The following TG variants were observed in gnomAD, a reference collection of about 807,000 sequenced individuals.
TG encodes the protein thyroglobulin, also known as thyroid hormones.
In TG, 270 loss-of-function variants were observed where a neutral mutation model predicts 324.7. That is an observed-to-expected ratio of 0.83 (90% CI 0.75 to 0.92). The LOEUF (loss-of-function observed/expected upper bound fraction) is 0.92, where lower values mean the gene tolerates loss of function less well. Among genes scored for constraint, TG ranks in the 40% least tolerant of loss-of-function variants. The pLI is 0.00. For synonymous variants in TG, 1,401 were observed against 1,327.0 expected (o/e 1.06, Z -1.21); for missense variants, 3,591 against 3,456.4 (o/e 1.04, Z -0.98).
chr8:133,060,131 C>G, intron 41 of TG: 2 of 1,610,934 alleles, frequency 1.2e-6, no homozygotes, highest in Non-Finnish European at 1.7e-6. Context: ...TCTCGGCAGG[C>G]GCAGGGGTGG....
At chr8:132,908,846 G>A (rs997469882) in intron 18 of TG, among the ~76,000 whole-genome samples, 1 of 152,316 alleles carries the variant, frequency 6.6e-6, no homozygotes, top group South Asian at 2.1e-4. Flanking sequence ...GCCTCCAAGA[G>A]GTGCTACTGA....
chr8:133,107,032 A>G (rs1849862826), intron 43 of TG, among the ~76,000 whole-genome samples: 1 of 152,142 alleles, frequency 6.6e-6, no homozygotes, highest in African/African-American at 2.4e-5. Flanking sequence ...CTTTTTAATC[A>G]TTTACTAACT....
intron 43 of TG, among the ~76,000 whole-genome samples, chr8:133,110,443 A>G (rs1200575038): frequency 6.6e-6 from 1 of 152,208 alleles, no homozygotes; most frequent in African/African-American, 2.4e-5. Context: ...TCAAATATTC[A>G]TATTATTTAT....
At chr8:133,075,546 A>G (rs1844740356) in intron 41 of TG, among the ~76,000 whole-genome samples, 1 of 152,242 alleles carries the variant, frequency 6.6e-6, no homozygotes, top group African/African-American at 2.4e-5. Flanking sequence ...TTTCTTGGAC[A>G]TGGTAATAAT....
intron 35 of TG, chr8:132,988,631 A>G (rs1831915721): frequency 6.8e-6 from 6 of 879,504 alleles, no homozygotes; most frequent in South Asian, 5.3e-5. Context: ...CTCTTTGGAT[A>G]AAAATTGTTT....
chr8:132,905,132 A>G (rs1460649116), intron 16 of TG, among the ~76,000 whole-genome samples: 1 of 152,166 alleles, frequency 6.6e-6, no homozygotes, highest in Non-Finnish European at 1.5e-5. Flanking sequence ...TAGTTTTTAA[A>G]TAAATACTCC....
chr8:133,023,755 G>A (rs1384173702), intron 40 of TG, among the ~76,000 whole-genome samples: 1 of 152,204 alleles, frequency 6.6e-6, no homozygotes, highest in South Asian at 2.1e-4. Flanking sequence ...CTAGACAGAA[G>A]AGAGTTTCCA....
chr8:133,056,504 T>G (rs1012281773), intron 41 of TG, among the ~76,000 whole-genome samples: 1 of 152,118 alleles, frequency 6.6e-6, no homozygotes, highest in African/African-American at 2.4e-5. Flanking sequence ...TGAAACCCTG[T>G]CCTTTCCAGG....
intron 22 of TG, among the ~76,000 whole-genome samples, chr8:132,924,207 G>T (rs1821502137): frequency 6.6e-6 from 1 of 151,968 alleles, no homozygotes; most frequent in Non-Finnish European, 1.5e-5. Context: ...TCCCTCACAT[G>T]CACAGTTCAC....
At chr8:132,947,423 G>A (rs1283973018) in intron 26 of TG, among the ~76,000 whole-genome samples, 1 of 152,150 alleles carries the variant, frequency 6.6e-6, no homozygotes, top group Admixed American at 6.5e-5. Flanking sequence ...AAAATTCAGA[G>A]ATTCACTGCT....
intron 43 of TG, among the ~76,000 whole-genome samples, chr8:133,110,766 CT>C (rs1412279951): frequency 6.6e-6 from 1 of 152,192 alleles, no homozygotes; most frequent in Non-Finnish European, 1.5e-5. Context: ...GGCTAAGTGA[CT>C]TGCCCAAAGC....
rs1554680118 is a variant in TG, at chr8:132,957,766, C to CACACACACACACACACACACACACAG, written c.5402-3224_5402-3223insACACACAGACACACACACACACACAC. Among the ~76,000 whole-genome samples, 215 of 145,582 alleles carry CACACACACACACACACACACACACAG rather than the reference C, an allele frequency of 1.5e-3. 5 individuals carry two copies. Among genetic ancestry groups the CACACACACACACACACACACACACAG allele is most frequent in the South Asian group, 0.015 (66 of 4,484 alleles). The stretch of plus-strand genomic sequence containing the variant: ...CTACACACACACACACACACACACA[C>CACACACACACACACACACACACACAG]ACACACACACACACACACGTATGTA... On this transcript the variant is annotated intron_variant, in intron 27 of 47. Transcript: ENST00000220616.
At chr8:133,095,789 G>A (rs548393339) in intron 42 of TG, among the ~76,000 whole-genome samples, 63 of 152,314 alleles carry the variant, frequency 4.1e-4, no homozygotes, top group Non-Finnish European at 6.8e-4. Flanking sequence ...AATGAGTCTG[G>A]ACTCACAGAA....
rs576334903 is a variant in TG, at chr8:133,022,153, G to A, written c.7036+3G>A. 1 of 1,614,062 alleles carries A rather than the reference G, an allele frequency of 6.2e-7. No homozygotes were observed. Among genetic ancestry groups the A allele is most frequent in the South Asian group, 1.1e-5 (1 of 91,062 alleles). On this transcript the variant is annotated splice_donor_region_variant and intron_variant, in intron 40 of 47. Coordinates refer to ENST00000220616, the MANE Select transcript of TG (RefSeq NM_003235.5). The stretch of plus-strand genomic sequence containing the variant: ...TGTCTTCGGCTTCCTGAGTTCTGGT[G>A]AGTTGCTGCCTCTGGTGGGAGCTGC...
intron 41 of TG, chr8:133,038,178 C>T: frequency 3.1e-6 from 1 of 319,032 alleles, no homozygotes. Context: ...CTGGACAGGT[C>T]CAGTTCCTTG....
chr8:132,913,526 C>T (rs1380990607), intron 20 of TG, among the ~76,000 whole-genome samples: 1 of 152,130 alleles, frequency 6.6e-6, no homozygotes, highest in African/African-American at 2.4e-5. Flanking sequence ...CCTGGCCTGC[C>T]CTGTCATTGT....
chr8:132,969,716 T>C, intron 32 of TG, 147 bp downstream of exon 32: 10 of 661,348 alleles, frequency 1.5e-5, no homozygotes, highest in South Asian at 3.3e-5. Context: ...ATCAAGACTA[T>C]CCTGACCAAC....
intron 41 of TG, among the ~76,000 whole-genome samples, chr8:133,030,527 C>T (rs1042287370): frequency 1.3e-5 from 2 of 152,126 alleles, no homozygotes; most frequent in African/African-American, 2.4e-5. Flanking sequence ...CTGCATACGC[C>T]CTGGTATTTA....
At chr8:133,071,791 C>T (rs963941413) in intron 41 of TG, among the ~76,000 whole-genome samples, 2 of 152,158 alleles carry the variant, frequency 1.3e-5, no homozygotes, top group Admixed American at 1.3e-4. Flanking sequence ...TCCTTCACGG[C>T]ACATACCACG....
Sources: allele counts gnomAD v4.1 joint callset (sites outside exome capture counted in the v4.1 genomes callset), GRCh38; gene constraint gnomAD v4.1.1; transcripts MANE v1.5; gene names NCBI Gene and HGNC (gene_info 2026-07-23, HGNC 2026-07-21).